The following TOM1L1 variants were observed in gnomAD, a reference collection of about 807,000 sequenced individuals.
TOM1L1 encodes the protein target of myb1 like 1 membrane trafficking protein.
TOM1L1 carries 64 observed loss-of-function variants against 63.4 expected under a neutral mutation model. The ratio of observed to expected loss-of-function variants is 1.01; its 90% CI spans 0.83 to 1.24. The LOEUF is 1.24. TOM1L1 is among the 50% of genes most tolerant of loss of function. TOM1L1 has a pLI of 0.00. For missense variants in TOM1L1, 536 were observed against 567.0 expected (o/e 0.95, Z 0.55); for synonymous variants, 166 against 194.4 (o/e 0.85, Z 1.22).
At chr17:54,928,379 AAAC>A (rs1178990839) in intron 7 of TOM1L1, among the ~76,000 whole-genome samples, 2 of 152,002 alleles carry the variant, frequency 1.3e-5, no homozygotes, top group South Asian at 2.1e-4. Context: ...AAAAAAAACA[AAAC>A]AACAACAACA....
At chr17:54,923,867 C>A (rs2048723804) in intron 7 of TOM1L1, among the ~76,000 whole-genome samples, 2 of 152,030 alleles carry the variant, frequency 1.3e-5, no homozygotes, top group East Asian at 3.9e-4. Flanking sequence ...TGCCTGTAAT[C>A]CCAGCTACTC....
intron 11 of TOM1L1, among the ~76,000 whole-genome samples, chr17:54,941,546 G>C (rs1371682018): frequency 1.3e-5 from 2 of 152,208 alleles, no homozygotes; most frequent in African/African-American, 4.8e-5. Context: ...GGTAAATAGT[G>C]TGGTTTAAAA....
At chr17:54,934,825 C>T (rs2048920809) in intron 8 of TOM1L1, among the ~76,000 whole-genome samples, 1 of 151,650 alleles carries the variant, frequency 6.6e-6, no homozygotes, top group African/African-American at 2.4e-5. Flanking sequence ...TCAAGCGATT[C>T]TTCTGTCTCA....
At chr17:54,932,090 C>T (rs2048871847) in intron 8 of TOM1L1, among the ~76,000 whole-genome samples, 1 of 151,830 alleles carries the variant, frequency 6.6e-6, no homozygotes, top group Non-Finnish European at 1.5e-5. Context: ...GCAGGACGAG[C>T]CGCAGACAAA....
intron 7 of TOM1L1, among the ~76,000 whole-genome samples, chr17:54,925,110 A>T (rs2048746312): frequency 6.6e-6 from 1 of 152,240 alleles, no homozygotes. Context: ...TCATTTGGGT[A>T]ATTTGAAGAA....
In TOM1L1 at chr17:54,950,031, T is replaced by C; in HGVS notation, c.1289-14T>C. On this transcript the variant is annotated splice_polypyrimidine_tract_variant and intron_variant, in intron 13 of 15. Coordinates refer to ENST00000575882, the MANE Select transcript of TOM1L1 (RefSeq NM_005486.3). ...AAGCACAATATGTTTACTGGTCTCTTTTTTTGCCCAAAGCGATGACAAAAA... is the reference window on the plus strand; with the variant it reads ...AAGCACAATATGTTTACTGGTCTCTCTTTTTGCCCAAAGCGATGACAAAAA... The C allele has an allele frequency of 6.2e-7, 1 of 1,606,024 alleles. No homozygotes were observed. The highest frequency in any genetic ancestry group is 1.3e-5 in the African/African-American group (1 of 74,840).
At chr17:54,922,696 T>A (rs990883452) in intron 7 of TOM1L1, among the ~76,000 whole-genome samples, 4 of 152,190 alleles carry the variant, frequency 2.6e-5, no homozygotes, top group African/African-American at 9.7e-5. Flanking sequence ...GGTCTTGATC[T>A]TTATCTTTTT....
intron 2 of TOM1L1, 149 bp downstream of exon 2, chr17:54,903,941 G>A: frequency 3.0e-6 from 2 of 661,210 alleles, no homozygotes; most frequent in Non-Finnish European, 5.1e-6. Flanking sequence ...GACTTGTCAG[G>A]TTGAAATATT....
intron 11 of TOM1L1, among the ~76,000 whole-genome samples, chr17:54,945,678 T>C (rs1567839479): frequency 2.0e-5 from 3 of 152,120 alleles, no homozygotes; most frequent in Non-Finnish European, 2.9e-5. Flanking sequence ...GTTAAGTTTT[T>C]TTTTTAATTC....
chr17:54,958,747 A>AGGGGGG (rs2077023322), intron 14 of TOM1L1, among the ~76,000 whole-genome samples: 1 of 114,962 alleles, frequency 8.7e-6, no homozygotes, highest in Non-Finnish European at 2.1e-5. Context: ...AAAAAAAAAA[A>AGGGGGG]AGGGGTTGTT....
chr17:54,939,808 C>T (rs1404675700), intron 11 of TOM1L1, among the ~76,000 whole-genome samples: 2 of 152,086 alleles, frequency 1.3e-5, no homozygotes, highest in Non-Finnish European at 1.5e-5. Flanking sequence ...GGTGATCCTC[C>T]CGCCTTGGCC....
At chr17:54,915,432 CCTT>C (rs1471282886) in intron 6 of TOM1L1, among the ~76,000 whole-genome samples, 2 of 152,060 alleles carry the variant, frequency 1.3e-5, no homozygotes, top group Admixed American at 6.5e-5. Context: ...GTTTCTGGTA[CCTT>C]CTTCTGCTAG....
chr17:54,932,701 G>A lies in TOM1L1; in HGVS notation c.854+2495G>A, dbSNP rs533325450. On this transcript the variant is annotated intron_variant, in intron 8 of 15. Transcript: ENST00000575882. ...CTCCCAAAGTGCTGGGATTACAGGC[G>A]TGAGCCACCGCGCCTGGCCACCATG... 1.9e-4 allele frequency among the ~76,000 whole-genome samples: 29 copies of A among 152,260 alleles called. 2 individuals carry two copies. Among genetic ancestry groups the A allele is most frequent in the African/African-American group, 6.7e-4 (28 of 41,558 alleles).
chr17:54,938,783 TA>T, intron 10 of TOM1L1, 140 bp from the exon 11 acceptor site: 1 of 519,134 alleles, frequency 1.9e-6, no homozygotes, highest in Non-Finnish European at 3.3e-6. Flanking sequence ...CAGAAATATC[TA>T]AATTAATCTC....
intron 14 of TOM1L1, chr17:54,957,098 T>C (rs753805878): frequency 6.6e-6 from 1 of 152,240 alleles, no homozygotes. Context: ...AAGCAGGTGA[T>C]TACTCAAGTT....
At chr17:54,955,831 G>A (rs984008911) in intron 14 of TOM1L1, among the ~76,000 whole-genome samples, 1 of 152,194 alleles carries the variant, frequency 6.6e-6, no homozygotes, top group Non-Finnish European at 1.5e-5. Flanking sequence ...CTGCTTCAAA[G>A]CAGCACCGAG....
At chr17:54,952,532 G>C (rs1414834508) in intron 14 of TOM1L1, 1 of 127,096 alleles carries the variant, frequency 7.9e-6, no homozygotes, top group Non-Finnish European at 1.6e-5. Context: ...CTGGGCAACA[G>C]AGCGAGACTG....
At chr17:54,941,804 T>C (rs2049035438) in intron 11 of TOM1L1, among the ~76,000 whole-genome samples, 1 of 152,204 alleles carries the variant, frequency 6.6e-6, no homozygotes. Context: ...GCAAGAATCT[T>C]TAACATGCAT....
At chr17:54,903,890 G>A in intron 2 of TOM1L1, 98 bp downstream of exon 2, 1 of 1,116,694 alleles carries the variant, frequency 9.0e-7, no homozygotes. Flanking sequence ...GTTGTTGAAA[G>A]AGTGTTTTCA....
Sources: allele counts gnomAD v4.1 joint callset (sites outside exome capture counted in the v4.1 genomes callset), GRCh38; gene constraint gnomAD v4.1.1; transcripts MANE v1.5; gene names NCBI Gene and HGNC (gene_info 2026-07-23, HGNC 2026-07-21).